Variants in NCALD observed in about 807,000 individuals in gnomAD.
NCALD encodes the protein neurocalcin delta, also known as neurocalcin-delta.
Under a neutral mutation model 18.6 loss-of-function variants are expected in NCALD, and 10 were observed. The ratio of observed to expected loss-of-function variants is 0.54; its 90% CI spans 0.33 to 0.91. The LOEUF is 0.91. Among genes scored for constraint, NCALD ranks in the 40% least tolerant of loss-of-function variants. The pLI, the probability that NCALD is intolerant of heterozygous loss-of-function variation, is 0.03. For missense variants in NCALD, 184 were observed against 247.6 expected (o/e 0.74, Z 1.72); for synonymous variants, 88 against 87.4 (o/e 1.01, Z -0.04).
intron 1 of NCALD, among the ~76,000 whole-genome samples, chr8:101,764,496 C>A (rs547113373): frequency 5.3e-5 from 8 of 152,086 alleles, no homozygotes; most frequent in Non-Finnish European, 1.2e-4. Context: ...AGAAGTGGCA[C>A]CAAAGTCCCA....
chr8:102,005,918 A>G (rs1275955203), intron 2 of NCALD, among the ~76,000 whole-genome samples: 3 of 151,802 alleles, frequency 2.0e-5, no homozygotes, highest in Admixed American at 1.3e-4. Context: ...ATTAGGAGAT[A>G]TACCTAATGT....
chr8:101,697,528 T>A (rs1815056717), intron 2 of NCALD, among the ~76,000 whole-genome samples: 1 of 152,102 alleles, frequency 6.6e-6, no homozygotes, highest in Admixed American at 6.5e-5. Context: ...TTGAAGAACA[T>A]CGATGGAAGA....
intron 4 of NCALD, among the ~76,000 whole-genome samples, chr8:101,880,916 G>A (rs1816468983): frequency 6.6e-6 from 1 of 152,124 alleles, no homozygotes; most frequent in Non-Finnish European, 1.5e-5. Context: ...ATTGATTGAA[G>A]CCAGTTACTA....
chr8:102,100,216 G>A (rs979144536), intron 1 of NCALD, among the ~76,000 whole-genome samples: 2 of 151,980 alleles, frequency 1.3e-5, no homozygotes, highest in Admixed American at 1.3e-4. Context: ...AAACCAAGAT[G>A]AACAAGTTTT....
chr8:102,016,004 CATCT>C (rs1777862770), intron 2 of NCALD, among the ~76,000 whole-genome samples: 1 of 152,208 alleles, frequency 6.6e-6, no homozygotes, highest in African/African-American at 2.4e-5. Context: ...CAAGAAACTC[CATCT>C]ACCTCCCAAA....
chr8:101,979,069 G>T (rs529845399), intron 2 of NCALD, among the ~76,000 whole-genome samples: 36 of 152,224 alleles, frequency 2.4e-4, no homozygotes, highest in African/African-American at 8.2e-4. Flanking sequence ...ATACAAACAG[G>T]CAAGAAATGC....
At chr8:102,082,028 T>C (rs1824555424) in intron 1 of NCALD, among the ~76,000 whole-genome samples, 2 of 152,108 alleles carry the variant, frequency 1.3e-5, no homozygotes, top group African/African-American at 2.4e-5. Flanking sequence ...TTTGGTTTCA[T>C]AGCCCAACAT....
chr8:102,025,229 A>G (rs1822412644), intron 1 of NCALD, among the ~76,000 whole-genome samples: 1 of 152,166 alleles, frequency 6.6e-6, no homozygotes, highest in Admixed American at 6.6e-5. Context: ...CTTCAGGTTC[A>G]TTATTTGGCT....
chr8:101,838,692 G>A (rs1814513451), intron 4 of NCALD, among the ~76,000 whole-genome samples: 1 of 152,174 alleles, frequency 6.6e-6, no homozygotes, highest in Admixed American at 6.5e-5. Flanking sequence ...AATAAATTTT[G>A]GTGCTTCACT....
At position 101,688,826 on chromosome 8, in the gene NCALD, C is replaced by A. The variant is rs998567889; in HGVS notation, c.*483G>T. 3.2e-6 allele frequency: 2 copies of A among 634,426 alleles called. No individual in the cohort carries two copies. Among genetic ancestry groups the A allele is most frequent in the East Asian group, 6.1e-5 (2 of 32,960 alleles). 39.3% of individuals were successfully genotyped at this position (634,426 alleles called of 1,614,324 possible). A position where few individuals can be genotyped will look rare whatever the true frequency, so the allele number is the denominator to read the frequency against. ...GAAATGTCCCAGCTCGCTGGAATAG[C>A]CTCACCCCAGAGGGTAACTTGTTCT... On this transcript the variant is annotated 3_prime_UTR_variant, in exon 4 of 4. Transcript: ENST00000220931.
intron 1 of NCALD, among the ~76,000 whole-genome samples, chr8:102,083,893 AT>A (rs1259779120): frequency 1.3e-5 from 2 of 152,192 alleles, no homozygotes; most frequent in Non-Finnish European, 2.9e-5. Flanking sequence ...TACGACTATG[AT>A]TCCAGACAGC....
chr8:102,061,716 A>T (rs1228009416), intron 1 of NCALD, among the ~76,000 whole-genome samples: 1 of 152,194 alleles, frequency 6.6e-6, no homozygotes, highest in Non-Finnish European at 1.5e-5. Flanking sequence ...CCTTCCCAGG[A>T]CTGTGTTTTC....
At chr8:101,815,507 T>C (rs1032728535) in intron 4 of NCALD, among the ~76,000 whole-genome samples, 2 of 152,008 alleles carry the variant, frequency 1.3e-5, no homozygotes, top group Admixed American at 6.6e-5. Context: ...TTAACAGATA[T>C]CTCACCAAAC....
chr8:101,843,582 G>GTTTTTTTTTTTTTTTTT (rs369393213), intron 4 of NCALD, among the ~76,000 whole-genome samples: 9 of 125,138 alleles, frequency 7.2e-5, no homozygotes, highest in African/African-American at 1.6e-4. Flanking sequence ...TTTAAAAATT[G>GTTTTTTTTTTTTTTTTT]TTTTTTTTTT....
At chr8:102,004,861 C>T (rs1317060356) in intron 2 of NCALD, among the ~76,000 whole-genome samples, 2 of 152,126 alleles carry the variant, frequency 1.3e-5, no homozygotes, top group African/African-American at 4.8e-5. Flanking sequence ...CTTCCTTACA[C>T]CTTATACAAA....
intron 3 of NCALD, among the ~76,000 whole-genome samples, chr8:101,913,641 G>C: frequency 6.6e-6 from 1 of 152,132 alleles, no homozygotes. Context: ...GGAGTGCAAG[G>C]GCACAATCTC....
intron 4 of NCALD, among the ~76,000 whole-genome samples, chr8:101,876,947 C>A (rs991039580): frequency 1.3e-5 from 2 of 152,176 alleles, no homozygotes; most frequent in East Asian, 3.8e-4. Context: ...CTTTTCTCCC[C>A]TGGCTAGGAT....
At chr8:101,968,721 A>G (rs569893452) in intron 2 of NCALD, among the ~76,000 whole-genome samples, 1 of 151,868 alleles carries the variant, frequency 6.6e-6, no homozygotes, top group East Asian at 1.9e-4. Flanking sequence ...AACCCTCCAC[A>G]TCACTCTCCT....
intron 1 of NCALD, among the ~76,000 whole-genome samples, chr8:102,070,682 A>C (rs1387973435): frequency 6.6e-6 from 1 of 152,256 alleles, no homozygotes; most frequent in Non-Finnish European, 1.5e-5. Context: ...AAATCTATAA[A>C]AAAGAAATAA....
Sources: gnomAD v4.1 joint callset for allele counts (sites outside exome capture counted in the v4.1 genomes callset) on GRCh38, gnomAD v4.1.1 for gene constraint, MANE v1.5 for transcripts, NCBI Gene and HGNC (gene_info 2026-07-23, HGNC 2026-07-21) for gene names.